IRF2: variants seen among roughly 807,000 people sequenced by gnomAD.
The protein encoded by IRF2 is interferon regulatory factor 2.
In IRF2, 15 loss-of-function variants were observed where a neutral mutation model predicts 40.6. The ratio of observed to expected loss-of-function variants is 0.37; its 90% CI spans 0.25 to 0.57. IRF2 has a LOEUF of 0.57. IRF2 is among the 20% of genes least tolerant of loss of function. IRF2 has a pLI of 0.77. For synonymous variants in IRF2, 151 were observed against 165.5 expected (o/e 0.91, Z 0.67); for missense variants, 317 against 455.7 (o/e 0.70, Z 2.77).
chr4:184,429,296 C>T (rs1378158512), intron 1 of IRF2, among the ~76,000 whole-genome samples: 4 of 152,294 alleles, frequency 2.6e-5, no homozygotes, highest in East Asian at 1.9e-4. Context: ...GCCTGCCCTC[C>T]GCTGGGAGGG....
intron 1 of IRF2, among the ~76,000 whole-genome samples, chr4:184,432,429 C>T (rs1437521343): frequency 6.6e-6 from 1 of 152,188 alleles, no homozygotes; most frequent in Non-Finnish European, 1.5e-5. Context: ...TAAAATGGCC[C>T]CCAGGCATTG....
At chr4:184,463,656 A>T (rs1373790731) in intron 1 of IRF2, among the ~76,000 whole-genome samples, 3 of 151,576 alleles carry the variant, frequency 2.0e-5, no homozygotes, top group South Asian at 2.1e-4. Flanking sequence ...GCATATATAT[A>T]TATTTTTTTT....
chr4:184,470,478 C>T lies in IRF2; in HGVS notation c.-7+3901G>A, dbSNP rs145806817. On this transcript the variant is annotated intron_variant, in intron 1 of 8. Coordinates refer to ENST00000393593, the MANE Select transcript of IRF2 (RefSeq NM_002199.4). ...GGCAGATCACCTGAGGTCAGGAGTT[C>T]GAGACAAGCCTGGCCAGCATGCTGA... Among the ~76,000 whole-genome samples the T allele has an allele frequency of 4.9e-3, 747 of 151,976 alleles. 5 individuals carry two copies. Among genetic ancestry groups the T allele is most frequent in the African/African-American group, 0.017 (692 of 41,462 alleles).
At chr4:184,407,838 T>TA (rs1736915835) in intron 6 of IRF2, among the ~76,000 whole-genome samples, 1 of 152,216 alleles carries the variant, frequency 6.6e-6, no homozygotes, top group South Asian at 2.1e-4. Flanking sequence ...GTTCCCGAGT[T>TA]AAATAAATAC....
At chr4:184,418,802 T>G in intron 3 of IRF2, 94 bp from the exon 4 acceptor site, 1 of 1,070,922 alleles carries the variant, frequency 9.3e-7, no homozygotes, top group Non-Finnish European at 1.4e-6. Context: ...TCAGGCAGTA[T>G]AAGGAAACCT....
At chr4:184,439,314 A>T (rs1471051296) in intron 1 of IRF2, among the ~76,000 whole-genome samples, 5 of 74,824 alleles carry the variant, frequency 6.7e-5, no homozygotes, top group East Asian at 6.6e-4. Flanking sequence ...TTAAAACTTT[A>T]AAAAAAAAAA....
chr4:184,427,825 C>T (rs746761150), intron 2 of IRF2, among the ~76,000 whole-genome samples: 24 of 152,268 alleles, frequency 1.6e-4, no homozygotes, highest in Middle Eastern at 3.4e-3. Flanking sequence ...TGGCTCTAAG[C>T]TCTTGTACCT....
chr4:184,468,204 T>A (rs1739395043), intron 1 of IRF2, among the ~76,000 whole-genome samples: 1 of 152,124 alleles, frequency 6.6e-6, no homozygotes, highest in Non-Finnish European at 1.5e-5. Context: ...AATGGAAAAC[T>A]GGGCTGGGCG....
In IRF2 at chr4:184,429,040, G is replaced by A. The variant is rs1737773482; in HGVS notation, c.25C>T (p.Arg9Cys). 1.2e-6 allele frequency: 2 copies of A among 1,614,056 alleles called. No homozygotes were observed. Among genetic ancestry groups the A allele is most frequent in the Non-Finnish European group, 1.7e-6 (2 of 1,179,906 alleles). Residue 9 changes from arginine to cysteine, a missense_variant, in exon 2 of 9, where the codon CGC becomes TGC. Physicochemically the swap from Arg to Cys is radical, Grantham distance 180. Around this residue, in one of 2 missense-constraint regions of IRF2, gnomAD observed 55 missense variants for 121.7 expected, o/e 0.45. Coordinates refer to ENST00000393593, the MANE Select transcript of IRF2 (RefSeq NM_002199.4). The stretch of plus-strand genomic sequence containing the variant: ...TTTATCTGCTCCTCCAGCCACGGGC[G>A]CATGCGCATCCTTTCCACCGGCATG... MPVERMRMRPWLEEQINSN... is the reference protein window; with the variant it reads MPVERMRMCPWLEEQINSN...
chr4:184,414,299 A>G (rs113626681), intron 5 of IRF2, among the ~76,000 whole-genome samples: 2 of 152,192 alleles, frequency 1.3e-5, no homozygotes, highest in African/African-American at 4.8e-5. Context: ...AAACATATAC[A>G]TGCACTGATG....
At chr4:184,389,160 C>G in intron 8 of IRF2, 94 bp from the exon 9 acceptor site, 1 of 1,254,450 alleles carries the variant, frequency 8.0e-7, no homozygotes, top group East Asian at 2.3e-5. Context: ...TGGCTCATGC[C>G]TGTAATCCCA....
chr4:184,408,068 A>G lies in IRF2; in HGVS notation c.529+90T>C. ...ATGATTCCAAGACCTCCTCCCACTG[A>G]CTATGTTATTTGAAGTTCTCTGTTT... On this transcript the variant is annotated intron_variant, in intron 6 of 8. Coordinates refer to ENST00000393593, the MANE Select transcript of IRF2 (RefSeq NM_002199.4). The surrounding 1 kb of genome is among the most constrained non-coding windows in gnomAD (Gnocchi z 4.9). 1.4e-6 allele frequency: 1 copy of G among 736,920 alleles called. No homozygotes were observed. Among genetic ancestry groups the G allele is most frequent in the Non-Finnish European group, 2.4e-6 (1 of 414,336 alleles). 45.6% of individuals were successfully genotyped at this position (736,920 alleles called of 1,614,324 possible). A position where few individuals can be genotyped will look rare whatever the true frequency, so the allele number is the denominator to read the frequency against.
At chr4:184,399,178 G>A in intron 6 of IRF2, 99 bp from the exon 7 acceptor site, 1 of 1,269,392 alleles carries the variant, frequency 7.9e-7, no homozygotes, top group Non-Finnish European at 1.1e-6. Context: ...CAGGTCGCCA[G>A]GCTCCCATCA....
chr4:184,439,353 TA>T (rs373302317), intron 1 of IRF2, among the ~76,000 whole-genome samples: 3,623 of 136,634 alleles, frequency 0.027, 93 homozygotes, highest in African/African-American at 0.076. Context: ...CGGGGGTACT[TA>T]AAAAAAAAAA....
At chr4:184,433,637 T>C (rs1000531192) in intron 1 of IRF2, among the ~76,000 whole-genome samples, 2 of 146,790 alleles carry the variant, frequency 1.4e-5, no homozygotes, top group Admixed American at 6.8e-5. Flanking sequence ...CTACACTTAT[T>C]TCAGGTTTTG....
intron 7 of IRF2, among the ~76,000 whole-genome samples, chr4:184,391,201 C>T (rs6856910): frequency 0.61 from 93,463 of 152,104 alleles, 29,413 homozygotes; most frequent in Non-Finnish European, 0.68. Flanking sequence ...GACTTAGATC[C>T]TGGATTTCTA....
chr4:184,415,920 G>A (rs2149899051), intron 5 of IRF2, among the ~76,000 whole-genome samples: 1 of 152,326 alleles, frequency 6.6e-6, no homozygotes, highest in South Asian at 2.1e-4. Flanking sequence ...GAAAAGAGTA[G>A]TAAATACGAT....
Position 184,448,100 on chromosome 4 carries a change from T to G in IRF2, c.-6-19030A>C, listed in dbSNP as rs1477403213. Among the ~76,000 whole-genome samples the G allele has an allele frequency of 2.0e-5, 3 of 152,238 alleles. No homozygotes were observed. In the East Asian group the frequency reaches 5.8e-4, roughly 29 times the overall value. On this transcript the variant is annotated intron_variant, in intron 1 of 8. Transcript: ENST00000393593. This position sits in a 1 kb window ranked among gnomAD's most constrained non-coding sequence, Gnocchi z 4.3. ...CCAAAGATGTAGAAAAATAATTCTT[T>G]GTACTATTGTTAAACTGTGGTGGAA...
Position 184,403,270 on chromosome 4 carries a change from T to TTC in IRF2, c.530-4193_530-4192dup, listed in dbSNP as rs138680220. On this transcript the variant is annotated intron_variant, in intron 6 of 8. Transcript: ENST00000393593. ...CTCTCACTAACCAGTCTCTATCTGTTTCTCTCTCTCTCTCTCGACATGTGA... is the reference window on the plus strand; with the variant it reads ...CTCTCACTAACCAGTCTCTATCTGTTTCTCTCTCTCTCTCTCTCGACATGTGA... 2.2e-4 allele frequency among the ~76,000 whole-genome samples: 33 copies of TTC among 150,888 alleles called. 1 individual carries two copies. The highest frequency in any genetic ancestry group is 1.6e-3 in the Admixed American group (24 of 15,122).
Sources: gnomAD v4.1 joint callset for allele counts (sites outside exome capture counted in the v4.1 genomes callset) on GRCh38, gnomAD v4.1.1 for gene constraint, gnomAD v4.1.1 regional missense constraint, Gnocchi (gnomAD v3.1) non-coding constraint, MANE v1.5 for transcripts, NCBI Gene and HGNC (gene_info 2026-07-23, HGNC 2026-07-21) for gene names.